CIMAP3: variants seen among roughly 807,000 people sequenced by gnomAD.
CIMAP3 encodes the protein ciliary microtubule-associated protein 3.
At chr1:111,338,414 T>A in the CIMAP3 span, among the ~76,000 whole-genome samples, 3 of 151,328 alleles carry the variant, frequency 2.0e-5, no homozygotes, top group Admixed American at 1.3e-4. Flanking sequence ...CAGGAGCTGG[T>A]TTTTTGAAAG....
chr1:111,352,633 CT>C, the CIMAP3 span: 2 of 152,290 alleles, frequency 1.3e-5, no homozygotes, highest in Admixed American at 6.5e-5. Context: ...TTAATGATTT[CT>C]GTTATCAAGA....
chr1:111,333,050 G>T, the CIMAP3 span, among the ~76,000 whole-genome samples: 3 of 152,328 alleles, frequency 2.0e-5, no homozygotes, highest in African/African-American at 7.2e-5. Flanking sequence ...TCAGGCCCTG[G>T]ATGCAGGCCC....
the CIMAP3 span, among the ~76,000 whole-genome samples, chr1:111,327,640 T>C: frequency 6.6e-6 from 1 of 152,180 alleles, no homozygotes; most frequent in Non-Finnish European, 1.5e-5. Context: ...CTAGTTTTTA[T>C]GTGTAGAGGT....
the CIMAP3 span, chr1:111,349,436 A>G: frequency 3.3e-5 from 5 of 152,338 alleles, no homozygotes; most frequent in Admixed American, 2.6e-4. Context: ...CTTATTCTCA[A>G]TGCTTTAGGA....
At chr1:111,344,239 T>C in the CIMAP3 span, among the ~76,000 whole-genome samples, 1,206 of 152,360 alleles carry the variant, frequency 7.9e-3, 16 homozygotes, top group African/African-American at 0.027. Context: ...TGAATTGGTG[T>C]AAAGCTGAAC....
the CIMAP3 span, among the ~76,000 whole-genome samples, chr1:111,332,153 T>C: frequency 6.6e-6 from 1 of 152,236 alleles, no homozygotes; most frequent in Non-Finnish European, 1.5e-5. Flanking sequence ...GCTGTTATTC[T>C]GGCTAGTAGA....
the CIMAP3 span, among the ~76,000 whole-genome samples, chr1:111,350,706 A>G: frequency 6.6e-6 from 1 of 152,224 alleles, no homozygotes; most frequent in African/African-American, 2.4e-5. Context: ...TACTTGTGTA[A>G]TCTTGAGCAA....
chr1:111,330,500 G>T, the CIMAP3 span, among the ~76,000 whole-genome samples: 2 of 152,168 alleles, frequency 1.3e-5, no homozygotes, highest in Non-Finnish European at 2.9e-5. Context: ...CCAGCAAGTG[G>T]CACTTAGGCT....
chr1:111,351,370 C>G, the CIMAP3 span: 1 of 1,445,634 alleles, frequency 6.9e-7, no homozygotes, highest in Non-Finnish European at 9.3e-7. Flanking sequence ...TACACAGACT[C>G]TCCAGGACTG....
chr1:111,341,689 C>T, the CIMAP3 span, among the ~76,000 whole-genome samples: 1 of 152,186 alleles, frequency 6.6e-6, no homozygotes, highest in Non-Finnish European at 1.5e-5. Context: ...TGGCAAATTT[C>T]CTTCAAGTTT....
chr1:111,339,381 AG>A, the CIMAP3 span, among the ~76,000 whole-genome samples: 1 of 149,438 alleles, frequency 6.7e-6, no homozygotes, highest in Admixed American at 6.6e-5. Context: ...AAGGAAATAA[AG>A]GGTATTCAAT....
At chr1:111,339,662 C>G in the CIMAP3 span, among the ~76,000 whole-genome samples, 1 of 151,860 alleles carries the variant, frequency 6.6e-6, no homozygotes, top group East Asian at 1.9e-4. Context: ...TGTGAAGGAC[C>G]TCTTCAAGGA....
chr1:111,346,519 G>C, the CIMAP3 span: 2 of 1,434,046 alleles, frequency 1.4e-6, no homozygotes, highest in Non-Finnish European at 1.9e-6. Context: ...TAGTGGCTCG[G>C]TGGACGCCCC....
chr1:111,346,746 T>A, the CIMAP3 span: 1 of 1,569,510 alleles, frequency 6.4e-7, no homozygotes, highest in South Asian at 1.1e-5. Context: ...AAAGACGAAG[T>A]GGGAGGAAGT....
the CIMAP3 span, among the ~76,000 whole-genome samples, chr1:111,329,364 G>A: frequency 4.0e-5 from 6 of 151,846 alleles, no homozygotes; most frequent in South Asian, 1.0e-3. Context: ...GGAGTTCTCT[G>A]TATTTCCTGA....
At chr1:111,350,107 C>A in the CIMAP3 span, 1 of 1,610,432 alleles carries the variant, frequency 6.2e-7, no homozygotes, top group Non-Finnish European at 8.5e-7. Context: ...TATTTCTAGC[C>A]CTGGTGCATA....
the CIMAP3 span, among the ~76,000 whole-genome samples, chr1:111,347,452 AC>A: frequency 0.014 from 2,079 of 151,958 alleles, 57 homozygotes; most frequent in African/African-American, 0.046. Context: ...ATCCAGCCAC[AC>A]CCCTCTACAA....
chr1:111,351,307 C>A, the CIMAP3 span: 2 of 1,583,586 alleles, frequency 1.3e-6, no homozygotes, highest in Admixed American at 2.0e-5. Context: ...TGTGGCCTAC[C>A]TAAGCCTGTA....
the CIMAP3 span, chr1:111,347,773 G>A: frequency 1.9e-6 from 3 of 1,601,130 alleles, no homozygotes; most frequent in Admixed American, 1.7e-5. Flanking sequence ...AATACAGAAG[G>A]TAATGTGCTG....
Sources: gnomAD v4.1 joint callset for allele counts (sites outside exome capture counted in the v4.1 genomes callset) on GRCh38, gnomAD v4.1.1 for gene constraint, MANE v1.5 for transcripts, NCBI Gene and HGNC (gene_info 2026-07-23, HGNC 2026-07-21) for gene names.